AKAP13: variants seen among roughly 807,000 people sequenced by gnomAD.
The protein encoded by AKAP13 is A-kinase anchoring protein 13.
In AKAP13, 80 loss-of-function variants were observed where a neutral mutation model predicts 264.5. The ratio of observed to expected loss-of-function variants is 0.30; its 90% CI spans 0.25 to 0.36. The LOEUF is 0.36. Among genes scored for constraint, AKAP13 ranks in the 10% least tolerant of loss-of-function variants. The pLI, the probability that AKAP13 is intolerant of heterozygous loss-of-function variation, is 1.00. For missense variants in AKAP13, 3,712 were observed against 3,435.2 expected (o/e 1.08, Z -2.01); for synonymous variants, 1,380 against 1,250.2 (o/e 1.10, Z -2.19).
intron 1 of AKAP13, chr15:85,415,106 A>C (rs2072177882): frequency 1.6e-6 from 1 of 626,970 alleles, no homozygotes; most frequent in African/African-American, 1.8e-5. Context: ...ATTTTTCTAT[A>C]ATTAGTAACA....
chr15:85,630,644 C>T (rs770496806), intron 8 of AKAP13, among the ~76,000 whole-genome samples: 4 of 152,134 alleles, frequency 2.6e-5, no homozygotes, highest in Non-Finnish European at 5.9e-5. Flanking sequence ...AACATCCCAG[C>T]ATGGCGAGCC....
At chr15:85,591,028 A>G (rs551585590) in intron 8 of AKAP13, among the ~76,000 whole-genome samples, 1 of 152,326 alleles carries the variant, frequency 6.6e-6, no homozygotes, top group Non-Finnish European at 1.5e-5. Flanking sequence ...AGTTTCTTAC[A>G]TTAATTTGAA....
At chr15:85,481,504 T>C (rs2075351277) in intron 1 of AKAP13, among the ~76,000 whole-genome samples, 1 of 152,218 alleles carries the variant, frequency 6.6e-6, no homozygotes, top group Non-Finnish European at 1.5e-5. Context: ...AAAGTGAATG[T>C]GTCTCTTTTA....
chr15:85,628,157 A>G (rs1488941916), intron 8 of AKAP13, among the ~76,000 whole-genome samples: 2 of 152,228 alleles, frequency 1.3e-5, no homozygotes, highest in African/African-American at 2.4e-5. Context: ...ATGTATGTAT[A>G]TATCTATCAT....
Position 85,664,505 on chromosome 15 carries a change from C to T in AKAP13, c.4800-58C>T, listed in dbSNP as rs946229590. On this transcript the variant is annotated intron_variant, in intron 12 of 36. Transcript: ENST00000394518. ...GATATACCCAAAGGGATTTTGTGTC[C>T]TCCTTTGTTTTTGAGACCCAGAAAT... is the stretch of plus-strand genomic sequence containing the variant. The T allele has an allele frequency of 2.6e-6, 4 of 1,510,436 alleles. No individual in the cohort carries two copies. The East Asian group carries it at 9.2e-5, about 35-fold the overall frequency. The allele number at this position is 1,510,436 out of a possible 1,614,324, so 93.6% of individuals were successfully genotyped here. A position where few individuals can be genotyped will look rare whatever the true frequency, so the allele number is the denominator to read the frequency against.
At chr15:85,650,796 A>G (rs1291382910) in intron 10 of AKAP13, among the ~76,000 whole-genome samples, 4 of 147,662 alleles carry the variant, frequency 2.7e-5, no homozygotes, top group African/African-American at 9.9e-5. Context: ...AAAAACAACA[A>G]AAACTGCAAT....
At chr15:85,400,844 A>G (rs185804246) in intron 1 of AKAP13, among the ~76,000 whole-genome samples, 133 of 137,140 alleles carry the variant, frequency 9.7e-4, no homozygotes, top group Middle Eastern at 3.6e-3. Context: ...TTTAGTAGCC[A>G]TATATATATA....
chr15:85,470,956 C>T (rs759639176), intron 1 of AKAP13, among the ~76,000 whole-genome samples: 3 of 152,264 alleles, frequency 2.0e-5, no homozygotes, highest in Middle Eastern at 3.4e-3. Flanking sequence ...CACTTTGTAG[C>T]GCTTTTAAAC....
At chr15:85,442,440 T>C in intron 1 of AKAP13, among the ~76,000 whole-genome samples, 1 of 126,796 alleles carries the variant, frequency 7.9e-6, no homozygotes, top group African/African-American at 2.9e-5. Context: ...ATATATATAA[T>C]ATAAAATATA....
Position 85,748,220 on chromosome 15 carries a change from G to GC in AKAP13, c.*3546dup, listed in dbSNP as rs1038091280. ...CTGTGCCCAGAGGACAGCCAGGCAGGCCCTGGGAGGGAGTTTAGAAAGACA... is the reference window on the plus strand; with the variant it reads ...CTGTGCCCAGAGGACAGCCAGGCAGGCCCCTGGGAGGGAGTTTAGAAAGACA... On this transcript the variant is annotated 3_prime_UTR_variant, in exon 37 of 37. Coordinates refer to ENST00000394518, the MANE Select transcript of AKAP13 (RefSeq NM_007200.5). The GC allele has an allele frequency of 1.5e-4, 23 of 152,426 alleles. No homozygotes were observed. Among genetic ancestry groups the GC allele is most frequent in the African/African-American group, 5.5e-4 (23 of 41,572 alleles). 9.4% of individuals were successfully genotyped at this position (152,426 alleles called of 1,614,324 possible). A position where few individuals can be genotyped will look rare whatever the true frequency, so the allele number is the denominator to read the frequency against.
chr15:85,383,820 C>T (rs184821486), intron 1 of AKAP13, among the ~76,000 whole-genome samples: 1 of 152,284 alleles, frequency 6.6e-6, no homozygotes, highest in East Asian at 1.9e-4. Flanking sequence ...TTACCTTAGT[C>T]TTGGCAAATA....
intron 1 of AKAP13, among the ~76,000 whole-genome samples, chr15:85,437,453 C>G (rs899017267): frequency 6.6e-6 from 1 of 151,776 alleles, no homozygotes; most frequent in Non-Finnish European, 1.5e-5. Context: ...AGAGGGAATC[C>G]TCCCTAACTC....
intron 5 of AKAP13, among the ~76,000 whole-genome samples, chr15:85,548,887 T>C (rs1422214843): frequency 6.7e-6 from 1 of 150,186 alleles, no homozygotes; most frequent in Non-Finnish European, 1.5e-5. Context: ...ACTTAACCTC[T>C]CCAAACCTCA....
Position 85,688,013 on chromosome 15 carries a change from G to A in AKAP13, c.5289+3140G>A, listed in dbSNP as rs541044380. ...TGTGTGCACTCCAGCCTGGGCAATGGAGCAAGACCCTGTCTCTTAAAAAAA... is the reference window on the plus strand; with the variant it reads ...TGTGTGCACTCCAGCCTGGGCAATGAAGCAAGACCCTGTCTCTTAAAAAAA... On this transcript the variant is annotated intron_variant, in intron 16 of 36. Coordinates refer to ENST00000394518, the MANE Select transcript of AKAP13 (RefSeq NM_007200.5). 8.0e-5 allele frequency among the ~76,000 whole-genome samples: 11 copies of A among 136,696 alleles called. No homozygotes were observed. In the East Asian group the frequency reaches 2.3e-3, roughly 28 times the overall value. 89.7% of individuals were successfully genotyped at this position (136,696 alleles called of 152,430 possible).
At chr15:85,619,839 C>G in intron 8 of AKAP13, 20 of 1,338,768 alleles carry the variant, frequency 1.5e-5, no homozygotes, top group Non-Finnish European at 1.9e-5. Flanking sequence ...ATTATGAGTT[C>G]TACATTCATC....
At chr15:85,458,464 T>C (rs548893183) in intron 1 of AKAP13, among the ~76,000 whole-genome samples, 5 of 150,492 alleles carry the variant, frequency 3.3e-5, no homozygotes, top group Non-Finnish European at 5.9e-5. Flanking sequence ...TTTACATTGA[T>C]TAAGCATTTG....
Position 85,741,180 on chromosome 15 carries a change from C to T in AKAP13, c.7743C>T (p.Arg2581=), listed in dbSNP as rs2088943745. ...AGCAGCGCAGCCTGGAGAAGCAGCGCCAGGACCTGGCCAACCTGCAGAAGC... is the reference window on the plus strand; with the variant it reads ...AGCAGCGCAGCCTGGAGAAGCAGCGTCAGGACCTGGCCAACCTGCAGAAGC... The part of the protein sequence containing the change: ...QEKQRSLEKQ[R]QDLANLQKQQ... The change falls in exon 35 of 37, where the codon CGC becomes CGT. Residue 2581 remains arginine (R), a synonymous_variant. Coordinates refer to ENST00000394518, the MANE Select transcript of AKAP13 (RefSeq NM_007200.5). 2 of 1,611,896 alleles carry T rather than the reference C, an allele frequency of 1.2e-6. No homozygotes were observed. The highest frequency in any genetic ancestry group is 1.7e-5 in the Admixed American group (1 of 59,654).
chr15:85,469,939 G>A (rs754774888), intron 1 of AKAP13, among the ~76,000 whole-genome samples: 2 of 152,126 alleles, frequency 1.3e-5, no homozygotes, highest in African/African-American at 2.4e-5. Context: ...TCGCTACATG[G>A]GAAAGGCAGC....
intron 1 of AKAP13, among the ~76,000 whole-genome samples, chr15:85,435,245 G>A (rs1356200369): frequency 6.6e-6 from 1 of 150,456 alleles, no homozygotes; most frequent in African/African-American, 2.5e-5. Flanking sequence ...ATGAAATGAA[G>A]CGAGAAGGGA....
Sources: allele counts gnomAD v4.1 joint callset (sites outside exome capture counted in the v4.1 genomes callset), GRCh38; gene constraint gnomAD v4.1.1; transcripts MANE v1.5; gene names NCBI Gene and HGNC (gene_info 2026-07-23, HGNC 2026-07-21).